Variants in MUC7 observed in about 807,000 individuals in gnomAD.
MUC7 encodes mucin-7.
A neutral mutation model predicts 2.5 loss-of-function variants in MUC7; 2 were observed. The ratio of observed to expected loss-of-function variants is 0.81; its 90% CI spans 0.33 to 2.55. The LOEUF (loss-of-function observed/expected upper bound fraction) is 2.55, where lower values mean the gene tolerates loss of function less well. MUC7 is among the 30% of genes most tolerant of loss of function. The pLI, the probability that MUC7 is intolerant of heterozygous loss-of-function variation, is 0.11. For missense variants in MUC7, 408 were observed against 455.6 expected (o/e 0.90, Z 0.95); for synonymous variants, 133 against 173.4 (o/e 0.77, Z 1.83).
chr4:70,480,132 A>G (rs1260794086), intron 2 of MUC7, among the ~76,000 whole-genome samples: 5 of 152,358 alleles, frequency 3.3e-5, no homozygotes, highest in African/African-American at 1.2e-4. Context: ...ATGCATAAAC[A>G]TGCAAATTTT....
At chr4:70,460,183 G>C (rs1247702690) in intron 1 of MUC7, among the ~76,000 whole-genome samples, 1 of 151,934 alleles carries the variant, frequency 6.6e-6, no homozygotes, top group Non-Finnish European at 1.5e-5. Context: ...ACGGCTAGAT[G>C]TAAGGGAAAA....
At chr4:70,468,951 C>T (rs1170241509), upstream of MUC7, among the ~76,000 whole-genome samples, 1 of 152,116 alleles carries the variant, frequency 6.6e-6, no homozygotes, top group Non-Finnish European at 1.5e-5. Context: ...ATAGCCAAGA[C>T]AATCATAAGC....
chr4:70,463,548 G>A (rs539141542), intron 1 of MUC7, among the ~76,000 whole-genome samples: 9 of 152,210 alleles, frequency 5.9e-5, no homozygotes, highest in African/African-American at 2.2e-4. Context: ...TTCAGCTCCA[G>A]AAGAGCAGAA....
At chr4:70,475,498 T>C (rs1392567112) in intron 2 of MUC7, among the ~76,000 whole-genome samples, 2 of 152,068 alleles carry the variant, frequency 1.3e-5, no homozygotes, top group Admixed American at 6.5e-5. Context: ...GTAGGAAGTT[T>C]AGATATGGAT....
intron 1 of MUC7, among the ~76,000 whole-genome samples, chr4:70,435,424 T>C (rs1733801772): frequency 6.6e-6 from 1 of 152,228 alleles, no homozygotes; most frequent in Non-Finnish European, 1.5e-5. Context: ...AGTTAGCTCT[T>C]CTTGTTGAAT....
chr4:70,475,858 G>A (rs979633509), intron 2 of MUC7, among the ~76,000 whole-genome samples: 12 of 152,094 alleles, frequency 7.9e-5, no homozygotes, highest in African/African-American at 2.4e-4. Context: ...TGAAGTGGAC[G>A]GAATTTACTC....
intron 1 of MUC7, among the ~76,000 whole-genome samples, chr4:70,451,462 G>A (rs1418497891): frequency 2.1e-4 from 32 of 152,164 alleles, no homozygotes; most frequent in Admixed American, 2.0e-3. Context: ...TCTGTAGATA[G>A]TTGTTAACTC....
rs1734921784 is a variant in MUC7, at chr4:70,474,065, C to G, written c.44C>G (p.Ala15Gly). Residue 15 changes from alanine to glycine, a missense_variant, in exon 2 of 3, where the codon GCT becomes GGT. This residue lies in a region of MUC7 where 225 missense variants were observed against 240.5 expected (regional missense o/e 0.94). Coordinates refer to ENST00000304887, the MANE Select transcript of MUC7 (RefSeq NM_152291.3). ...PLFVCICALSACFSFSEGRER... is the reference protein window; with the variant it reads ...PLFVCICALSGCFSFSEGRER... ...TTTGTGTGCATCTGTGCACTGAGTG[C>G]TTGCTTCTCGGTAAGTATTCACCCA... The G allele has an allele frequency of 1.2e-5, 19 of 1,612,590 alleles. No homozygotes were observed. The East Asian group carries it at 4.0e-4, about 34-fold the overall frequency.
At chr4:70,434,552 G>A (rs1202404033) in intron 1 of MUC7, among the ~76,000 whole-genome samples, 1 of 152,140 alleles carries the variant, frequency 6.6e-6, no homozygotes, top group Non-Finnish European at 1.5e-5. Context: ...ATTTCTGTGA[G>A]ATAGGTGGTG....
chr4:70,476,825 G>A lies in MUC7; in HGVS notation c.54+2750G>A, dbSNP rs41445344. Among the ~76,000 whole-genome samples the A allele has an allele frequency of 4.7e-3, 712 of 152,158 alleles. 5 individuals are homozygous for A. Among genetic ancestry groups the A allele is most frequent in the South Asian group, 0.024 (117 of 4,810 alleles). ...AGAAAAGAAAATACAGGAATGTACCGGAGATTAGCATTAACCCACAGCCAG... is the reference window on the plus strand; with the variant it reads ...AGAAAAGAAAATACAGGAATGTACCAGAGATTAGCATTAACCCACAGCCAG... On this transcript the variant is annotated intron_variant, in intron 2 of 2. Coordinates refer to ENST00000304887, the MANE Select transcript of MUC7 (RefSeq NM_152291.3).
At chr4:70,462,211 TA>T (rs1287710866) in intron 1 of MUC7, among the ~76,000 whole-genome samples, 4 of 76,302 alleles carry the variant, frequency 5.2e-5, no homozygotes, top group Admixed American at 1.7e-4. Flanking sequence ...AATCCTGTCT[TA>T]AAAAAAAAGA....
At chr4:70,432,098 TA>T (rs1733682885) in intron 1 of MUC7, among the ~76,000 whole-genome samples, 1 of 152,238 alleles carries the variant, frequency 6.6e-6, no homozygotes, top group Non-Finnish European at 1.5e-5. Flanking sequence ...TATGGCTGCA[TA>T]GTATTCCATG....
intron 1 of MUC7, among the ~76,000 whole-genome samples, chr4:70,448,784 C>T (rs1577902491): frequency 6.6e-6 from 1 of 151,964 alleles, no homozygotes; most frequent in East Asian, 1.9e-4. Flanking sequence ...TTATGTGATC[C>T]CATTTGTTCA....
intron 1 of MUC7, among the ~76,000 whole-genome samples, chr4:70,456,404 A>T (rs1734414526): frequency 6.6e-6 from 1 of 152,224 alleles, no homozygotes; most frequent in African/African-American, 2.4e-5. Context: ...TCACACTGCT[A>T]TGAAGAACTA....
chr4:70,453,972 T>A (rs1373034462), intron 1 of MUC7, among the ~76,000 whole-genome samples: 3 of 152,148 alleles, frequency 2.0e-5, no homozygotes, highest in African/African-American at 7.2e-5. Context: ...GGCCTCACTA[T>A]TCTGCCTGAT....
intron 1 of MUC7, among the ~76,000 whole-genome samples, chr4:70,460,290 AAG>A (rs2109725627): frequency 6.6e-6 from 1 of 152,296 alleles, no homozygotes; most frequent in African/African-American, 2.4e-5. Flanking sequence ...AGAATGGTGA[AAG>A]AGAAAAATCC....
chr4:70,432,389 C>T (rs1448341219), intron 1 of MUC7, among the ~76,000 whole-genome samples: 2 of 152,184 alleles, frequency 1.3e-5, no homozygotes, highest in African/African-American at 4.8e-5. Flanking sequence ...TCCATTTCTC[C>T]ACATCCTCTC....
At chr4:70,446,019 C>T (rs1198712996) in intron 1 of MUC7, among the ~76,000 whole-genome samples, 2 of 152,138 alleles carry the variant, frequency 1.3e-5, no homozygotes, top group Non-Finnish European at 2.9e-5. Context: ...TTCTCCTGGG[C>T]TGGAAGATGC....
At position 70,473,187 on chromosome 4, in the gene MUC7, A is replaced by G. The variant is rs146061652; in HGVS notation, c.-15-820A>G. 0.014 allele frequency among the ~76,000 whole-genome samples: 2,147 copies of G among 152,208 alleles called. 82 individuals are homozygous for G. In the South Asian group the frequency reaches 0.16, roughly 11 times the overall value. ...CGGTGGCTCACACCCGTAATCCCAG[A>G]ATTTTGGGAGGCCGATGAGGGTGGA... On this transcript the variant is annotated intron_variant, in intron 1 of 2. Transcript: ENST00000304887.
Sources: allele counts gnomAD v4.1 joint callset (sites outside exome capture counted in the v4.1 genomes callset), GRCh38; gene constraint gnomAD v4.1.1; regional missense constraint gnomAD v4.1.1; transcripts MANE v1.5; gene names NCBI Gene and HGNC (gene_info 2026-07-23, HGNC 2026-07-21).